Variants in CSF2RA observed in about 807,000 individuals in gnomAD.
CSF2RA encodes the protein granulocyte-macrophage colony-stimulating factor receptor subunit alpha.
In CSF2RA, 42 loss-of-function variants were observed where a neutral mutation model predicts 51.6. The ratio of observed to expected loss-of-function variants is 0.81; its 90% CI spans 0.64 to 1.05. The LOEUF (loss-of-function observed/expected upper bound fraction) is 1.05. Among genes scored for constraint, CSF2RA ranks in the 50% least tolerant of loss-of-function variants. The pLI, the probability that CSF2RA is intolerant of heterozygous loss-of-function variation, is 0.00. For missense variants in CSF2RA, 530 were observed against 501.1 expected, an observed-to-expected ratio of 1.06 and a Z score of -0.55; for synonymous variants, 222 against 193.0, an observed-to-expected ratio of 1.15 and a Z score of -1.24.
rs1476372300 is a variant in CSF2RA at position 1,305,570 on chromosome X, G to A, written c.1125+43G>A. 3.1e-6 allele frequency: 5 copies of A among 1,613,878 alleles called. No homozygotes were observed. In the South Asian group the frequency reaches 5.5e-5, roughly 18 times the overall value. On this transcript the variant is annotated intron_variant, in intron 12 of 12. Transcript: ENST00000381529. ...GAGCAGTGACCTGGGATGGAAGGTG[G>A]GGAGTGGGGAGCGTGGGACACGGCC...
the CSF2RA span, among the ~76,000 whole-genome samples, chrX:1,324,522 AAGGG>A: frequency 7.4e-5 from 9 of 121,474 alleles, no homozygotes; most frequent in South Asian, 3.5e-4. Context: ...GGAAAGAAGG[AAGGG>A]AGGGAGGGAG....
chrX:1,323,570 C>G, the CSF2RA span, among the ~76,000 whole-genome samples: 7 of 151,678 alleles, frequency 4.6e-5, no homozygotes, highest in Non-Finnish European at 1.0e-4. Flanking sequence ...GACCGCACCT[C>G]GAGAAGTGGG....
At chrX:1,313,904 C>T (rs28884483), downstream of CSF2RA, among the ~76,000 whole-genome samples, 25,918 of 150,358 alleles carry the variant, frequency 0.17, 3,113 homozygotes, top group East Asian at 0.44. Flanking sequence ...GGCAGGAGAA[C>T]CGCTTGAACC....
rs1370426161 is a variant in CSF2RA at position 1,288,575 on chromosome X, C to T, written c.276C>T (p.Val92=). ...TFREICLHEG[V]TFEVHVNTSQ... is the part of the protein sequence containing the mutation. ...GTGAAATTTGTCTGCATGAAGGAGT[C>T]ACATTTGAGGTTCACGTGAATACTA... The change falls in exon 5 of 13, where the codon GTC becomes GTT. Residue 92 remains valine, a synonymous_variant. Transcript: ENST00000381529. 1 of 1,613,924 alleles carries T rather than the reference C, an allele frequency of 6.2e-7. No individual in the cohort carries two copies. Among genetic ancestry groups the T allele is most frequent in the South Asian group, 1.1e-5 (1 of 91,074 alleles).
intron 2 of CSF2RA, among the ~76,000 whole-genome samples, chrX:1,275,066 C>A (rs2088988902): frequency 7.4e-6 from 1 of 134,286 alleles, no homozygotes; most frequent in Non-Finnish European, 1.5e-5. Context: ...GGTCTCCAGG[C>A]AGAAGAGACG....
chrX:1,293,910 G>C (rs2091652700), intron 7 of CSF2RA: 3 of 299,830 alleles, frequency 1.0e-5, no homozygotes, highest in Admixed American at 4.8e-5. Flanking sequence ...GACAGGAGAA[G>C]ACTCTGCCCC....
In CSF2RA at chrX:1,288,953, T is replaced by C. The variant is rs1322027429; in HGVS notation, c.473+65T>C. ...GGGATGGGAGAAAAAATCATGCTGG[T>C]TTTCTTTTTTTCCTTTTTCTTTTTT... is the stretch of plus-strand genomic sequence containing the variant. On this transcript the variant is annotated intron_variant, in intron 6 of 12. Coordinates refer to ENST00000381529, the MANE Select transcript of CSF2RA (RefSeq NM_172245.4). 27 of 1,601,320 alleles carry C rather than the reference T, an allele frequency of 1.7e-5. No homozygotes were observed. The Admixed American group carries it at 4.5e-4, about 27-fold the overall frequency.
At chrX:1,288,685 A>G in intron 5 of CSF2RA, 43 bp downstream of exon 5, 1 of 1,613,900 alleles carries the variant, frequency 6.2e-7, no homozygotes, top group Non-Finnish European at 8.5e-7. Context: ...CACTGGCCCC[A>G]CCACCCCGCC....
downstream of CSF2RA, among the ~76,000 whole-genome samples, chrX:1,312,061 A>G (rs2084215490): frequency 6.6e-6 from 1 of 152,064 alleles, no homozygotes; most frequent in Admixed American, 6.6e-5. Context: ...GGTTCAGGCA[A>G]TTCTCATGCC....
At chrX:1,309,379 G>C (rs760858210) in intron 12 of CSF2RA, 23 bp from the exon 13 acceptor site, 1 of 1,612,768 alleles carries the variant, frequency 6.2e-7, no homozygotes, top group South Asian at 1.1e-5. Flanking sequence ...AGATCTGACA[G>C]CCTGAACCCT....
chrX:1,277,294 C>A (rs1569491614), intron 2 of CSF2RA, among the ~76,000 whole-genome samples: 1 of 151,864 alleles, frequency 6.6e-6, no homozygotes, highest in Non-Finnish European at 1.5e-5. Flanking sequence ...TCTTGGATCT[C>A]ACGCAAGAAA....
the CSF2RA span, among the ~76,000 whole-genome samples, chrX:1,322,603 G>T: frequency 6.6e-6 from 1 of 151,062 alleles, no homozygotes; most frequent in Non-Finnish European, 1.5e-5. Flanking sequence ...ACCCTTTGTG[G>T]TCACGCGGCA....
At chrX:1,301,878 T>C (rs1354555243) in intron 10 of CSF2RA, among the ~76,000 whole-genome samples, 1 of 150,016 alleles carries the variant, frequency 6.7e-6, no homozygotes, top group Non-Finnish European at 1.5e-5. Flanking sequence ...AGTGCTGGGA[T>C]TACAGGCGTG....
chrX:1,314,762 C>A (rs1178591333), downstream of CSF2RA, among the ~76,000 whole-genome samples: 1 of 23,188 alleles, frequency 4.3e-5, no homozygotes, highest in South Asian at 1.3e-3. Flanking sequence ...AATCCCACTG[C>A]ACCTGCCCAA....
chrX:1,308,088 G>A (rs1267997957), intron 12 of CSF2RA, among the ~76,000 whole-genome samples: 1 of 151,728 alleles, frequency 6.6e-6, no homozygotes, highest in African/African-American at 2.4e-5. Context: ...TTAGACCTTT[G>A]ACTGATTAGA....
Position 1,300,366 on chromosome X carries a change from A to G in CSF2RA, c.811-125A>G, listed in dbSNP as rs1239146196. The G allele has an allele frequency of 5.6e-6, 7 of 1,243,526 alleles. No individual in the cohort carries two copies. In the East Asian group the frequency reaches 7.0e-5, roughly 12 times the overall value. 77.0% of individuals were successfully genotyped at this position (1,243,526 alleles called of 1,614,324 possible). A position where few individuals can be genotyped will look rare whatever the true frequency, so the allele number is the denominator to read the frequency against. On this transcript the variant is annotated intron_variant, in intron 9 of 12. Coordinates refer to ENST00000381529, the MANE Select transcript of CSF2RA (RefSeq NM_172245.4). The stretch of plus-strand genomic sequence containing the variant: ...AGACCAAGTGCATTCAGAGTGGTAG[A>G]AAAAAAAGAAGAAAAAGAAAAAAAG...
the CSF2RA span, among the ~76,000 whole-genome samples, chrX:1,321,281 AAC>A: frequency 6.6e-6 from 1 of 151,962 alleles, no homozygotes; most frequent in Non-Finnish European, 1.5e-5. Flanking sequence ...CATCCTGGCT[AAC>A]ACAATGAAAC....
At chrX:1,300,311 T>C in intron 9 of CSF2RA, 180 bp from the exon 10 acceptor site, 1 of 716,698 alleles carries the variant, frequency 1.4e-6, no homozygotes, top group Non-Finnish European at 2.3e-6. Flanking sequence ...CTAACGAGGC[T>C]TGACTCTGCT....
chrX:1,307,067 C>T (rs28693800), intron 12 of CSF2RA, among the ~76,000 whole-genome samples: 1 of 151,980 alleles, frequency 6.6e-6, no homozygotes, highest in Non-Finnish European at 1.5e-5. Flanking sequence ...GACCTGCACC[C>T]TGAGACCCCA....
Sources: gnomAD v4.1 joint callset for allele counts (sites outside exome capture counted in the v4.1 genomes callset) on GRCh38, gnomAD v4.1.1 for gene constraint, MANE v1.5 for transcripts, NCBI Gene and HGNC (gene_info 2026-07-23, HGNC 2026-07-21) for gene names.